The following VAPB variants were observed in gnomAD, a reference collection of about 807,000 sequenced individuals.
The protein encoded by VAPB is VAMP associated protein B and C.
VAPB carries 7 observed loss-of-function variants against 25.6 expected under a neutral mutation model. The ratio of observed to expected loss-of-function variants is 0.27; its 90% CI spans 0.16 to 0.51. The LOEUF is 0.51. VAPB is among the 20% of genes least tolerant of loss of function. The pLI is 0.97. For missense variants in VAPB, 266 were observed against 301.3 expected (o/e 0.88, Z 0.87); for synonymous variants, 112 against 109.2 (o/e 1.03, Z -0.16).
At position 58,440,930 on chromosome 20, in the gene VAPB, T is replaced by C; in HGVS notation, c.420T>C (p.Ile140=). 1 of 1,613,870 alleles carries C rather than the reference T, an allele frequency of 6.2e-7. No individual in the cohort carries two copies. The highest frequency in any genetic ancestry group is 1.7e-5 in the Admixed American group (1 of 60,012). Residue 140 remains isoleucine (I), a synonymous_variant, in exon 5 of 6, where the codon ATT becomes ATC. Coordinates refer to ENST00000475243, the MANE Select transcript of VAPB (RefSeq NM_004738.5). ...AGCATGATGTAGAAATAAATAAAAT[T>C]ATATCCACAACTGCATCAAAGACAG... is the stretch of plus-strand genomic sequence containing the variant. ...DKPHDVEINK[I]ISTTASKTET...
intron 1 of VAPB, among the ~76,000 whole-genome samples, chr20:58,415,132 A>G (rs912623598): frequency 6.6e-6 from 1 of 152,240 alleles, no homozygotes; most frequent in Non-Finnish European, 1.5e-5. Context: ...AAACAGATCA[A>G]TTCTAGCCCC....
intron 5 of VAPB, 142 bp downstream of exon 5, chr20:58,441,225 T>A (rs1989154565): frequency 1.1e-6 from 1 of 878,484 alleles, no homozygotes. Flanking sequence ...CAGGGAGAAA[T>A]TTCCATGGCT....
chr20:58,400,734 A>G (rs73179863), intron 1 of VAPB, among the ~76,000 whole-genome samples: 16,520 of 152,182 alleles, frequency 0.11, 1,010 homozygotes, highest in Middle Eastern at 0.17. Flanking sequence ...AGTGTTTGCT[A>G]TGATCATTTG....
intron 5 of VAPB, among the ~76,000 whole-genome samples, chr20:58,442,488 G>C (rs145599092): frequency 6.6e-6 from 1 of 152,246 alleles, no homozygotes; most frequent in Non-Finnish European, 1.5e-5. Flanking sequence ...GACACCACCA[G>C]TTGTTTATCA....
In VAPB at chr20:58,447,296, G is replaced by T. The variant is rs189747369; in HGVS notation, c.*3061G>T. The T allele has an allele frequency of 2.2e-6, 1 of 454,108 alleles. No individual in the cohort carries two copies. Among genetic ancestry groups the T allele is most frequent in the African/African-American group, 2.0e-5 (1 of 50,124 alleles). 28.1% of individuals were successfully genotyped at this position (454,108 alleles called of 1,614,324 possible). A position where few individuals can be genotyped will look rare whatever the true frequency, so the allele number is the denominator to read the frequency against. On this transcript the variant is annotated 3_prime_UTR_variant, in exon 6 of 6. Transcript: ENST00000475243. ...AGACAGCAGGCTTTTTTATTTGTAG[G>T]TGTGAGGAACTGGCTTTAACTTTTT...
rs572260819 is a variant in VAPB at position 58,442,477 on chromosome 20, G to A, written c.573+1394G>A. ...TGCCGGGTTTTTTTTTAAGCCAGTC[G>A]GACACCACCAGTTGTTTATCACTGT... On this transcript the variant is annotated intron_variant, in intron 5 of 5. Coordinates refer to ENST00000475243, the MANE Select transcript of VAPB (RefSeq NM_004738.5). Among the ~76,000 whole-genome samples the A allele has an allele frequency of 2.6e-5, 4 of 152,010 alleles. No homozygotes were observed. In the East Asian group the frequency reaches 7.7e-4, roughly 29 times the overall value.
intron 1 of VAPB, among the ~76,000 whole-genome samples, chr20:58,406,572 G>T (rs1174857369): frequency 1.3e-5 from 2 of 152,198 alleles, no homozygotes; most frequent in African/African-American, 4.8e-5. Context: ...TCATCAAGGT[G>T]CAGAATGCTA....
intron 3 of VAPB, 110 bp downstream of exon 3, chr20:58,434,815 G>T: frequency 7.7e-6 from 5 of 653,502 alleles, no homozygotes; most frequent in East Asian, 6.0e-5. Flanking sequence ...TATTTAAAAG[G>T]GAATAGTTTT....
Position 58,444,141 on chromosome 20 carries a change from C to A in VAPB, c.638C>A (p.Pro213Gln). 6.2e-7 allele frequency: 1 copy of A among 1,614,166 alleles called. No individual in the cohort carries two copies. Among genetic ancestry groups the A allele is most frequent in the African/African-American group, 1.3e-5 (1 of 75,034 alleles). The change falls in exon 6 of 6, where the codon CCA becomes CAA. Residue 213 changes from proline (P) to glutamine (Q), a missense_variant. Pro to Gln is a moderately conservative substitution (Grantham distance 76). This residue lies in a region of VAPB where 136 missense variants were observed against 130.7 expected (regional missense o/e 1.04). Transcript: ENST00000475243. ...AACAGCCCCATTTCAGCATTAGCCC[C>A]AACTGGGAAGGAAGAAGGCCTTAGC... ...QSNSPISALA[P>Q]TGKEEGLSTR...
At chr20:58,420,057 C>G (rs1399965475) in intron 2 of VAPB, among the ~76,000 whole-genome samples, 1 of 152,114 alleles carries the variant, frequency 6.6e-6, no homozygotes, top group African/African-American at 2.4e-5. Context: ...GCGATCTCTG[C>G]TCACTGCAAC....
Position 58,426,258 on chromosome 20 carries a change from C to T in VAPB, c.211+7895C>T, listed in dbSNP as rs114020885. ...GTGCTGTCTAGCCTGGAGTGCATGCCGCTCTCATAGCTCACTGTAGCCTCA... is the reference window on the plus strand; with the variant it reads ...GTGCTGTCTAGCCTGGAGTGCATGCTGCTCTCATAGCTCACTGTAGCCTCA... On this transcript the variant is annotated intron_variant, in intron 2 of 5. Transcript: ENST00000475243. Among the ~76,000 whole-genome samples, 1,222 of 152,118 alleles carry T rather than the reference C, an allele frequency of 8.0e-3. 14 individuals are homozygous for T. The highest frequency in any genetic ancestry group is 0.027 in the African/African-American group (1,135 of 41,486).
chr20:58,395,293 A>G (rs183080502), intron 1 of VAPB, among the ~76,000 whole-genome samples: 191 of 152,142 alleles, frequency 1.3e-3, no homozygotes, highest in Middle Eastern at 3.4e-3. Context: ...CTGGGACTAC[A>G]GGCACATGCC....
Position 58,420,978 on chromosome 20 carries a change from A to G in VAPB, c.211+2615A>G, listed in dbSNP as rs76020182. On this transcript the variant is annotated intron_variant, in intron 2 of 5. Coordinates refer to ENST00000475243, the MANE Select transcript of VAPB (RefSeq NM_004738.5). ...ATCTTGGTGAGTCACTAGAGTCCTC[A>G]GGAGGAGGAGGATACCAGTCGACAG... Among the ~76,000 whole-genome samples the G allele has an allele frequency of 4.7e-3, 718 of 152,112 alleles. 7 individuals carry two copies. Among genetic ancestry groups the G allele is most frequent in the African/African-American group, 0.016 (673 of 41,344 alleles).
chr20:58,437,462 GGT>G (rs1243961610), intron 3 of VAPB, among the ~76,000 whole-genome samples: 10 of 152,174 alleles, frequency 6.6e-5, no homozygotes, highest in Non-Finnish European at 1.5e-4. Flanking sequence ...TGGTTAAGAT[GGT>G]GACTGCCAGC....
rs1989386212 is a variant in VAPB, at chr20:58,449,617, A to C, written c.*5382A>C. ...TGGATTGCTTTGATTAAAAGATGTCAGTTGAATAAAACAGTACTGTGGGAG... is the reference window on the plus strand; with the variant it reads ...TGGATTGCTTTGATTAAAAGATGTCCGTTGAATAAAACAGTACTGTGGGAG... On this transcript the variant is annotated 3_prime_UTR_variant, in exon 6 of 6. Coordinates refer to ENST00000475243, the MANE Select transcript of VAPB (RefSeq NM_004738.5). 1 of 453,928 alleles carries C rather than the reference A, an allele frequency of 2.2e-6. No homozygotes were observed. The highest frequency in any genetic ancestry group is 4.4e-6 in the Non-Finnish European group (1 of 226,714). 28.1% of individuals were successfully genotyped at this position (453,928 alleles called of 1,614,324 possible). A position where few individuals can be genotyped will look rare whatever the true frequency, so the allele number is the denominator to read the frequency against.
chr20:58,420,106 C>T (rs1988638126), intron 2 of VAPB, among the ~76,000 whole-genome samples: 1 of 152,122 alleles, frequency 6.6e-6, no homozygotes, highest in Non-Finnish European at 1.5e-5. Context: ...TTGCCTCAGC[C>T]TCCCGAGTAG....
intron 1 of VAPB, among the ~76,000 whole-genome samples, chr20:58,397,656 A>G (rs2123022363): frequency 6.6e-6 from 1 of 152,346 alleles, no homozygotes; most frequent in Middle Eastern, 3.4e-3. Context: ...GAATTCAAGA[A>G]GTTGTAAAGG....
At chr20:58,401,711 G>A (rs11697415) in intron 1 of VAPB, among the ~76,000 whole-genome samples, 19,035 of 151,966 alleles carry the variant, frequency 0.13, 1,230 homozygotes, top group African/African-American at 0.15. Flanking sequence ...TCCCCTTTGC[G>A]GAACTCTTTT....
chr20:58,428,844 T>A (rs1258592122), intron 2 of VAPB, among the ~76,000 whole-genome samples: 1 of 152,176 alleles, frequency 6.6e-6, no homozygotes, highest in Non-Finnish European at 1.5e-5. Context: ...AACTCTTTGA[T>A]GTGAGTTAGG....
Sources: gnomAD v4.1 joint callset for allele counts (sites outside exome capture counted in the v4.1 genomes callset) on GRCh38, gnomAD v4.1.1 for gene constraint, gnomAD v4.1.1 regional missense constraint, MANE v1.5 for transcripts, NCBI Gene and HGNC (gene_info 2026-07-23, HGNC 2026-07-21) for gene names.